COLEC12: variants seen among roughly 807,000 people sequenced by gnomAD.
The protein encoded by COLEC12 is collectin subfamily member 12.
COLEC12 carries 33 observed loss-of-function variants against 71.1 expected under a neutral mutation model. The ratio of observed to expected loss-of-function variants is 0.46; its 90% CI spans 0.35 to 0.62. COLEC12 has a LOEUF of 0.62. Among genes scored for constraint, COLEC12 ranks in the 20% least tolerant of loss-of-function variants. The pLI, the probability that COLEC12 is intolerant of heterozygous loss-of-function variation, is 0.00. For missense variants in COLEC12, 765 were observed against 916.1 expected (o/e 0.84, Z 2.13); for synonymous variants, 350 against 353.0 (o/e 0.99, Z 0.10).
intron 7 of COLEC12, among the ~76,000 whole-genome samples, chr18:332,087 T>C (rs1349324938): frequency 6.6e-6 from 1 of 152,220 alleles, no homozygotes; most frequent in Non-Finnish European, 1.5e-5. Flanking sequence ...ATTTCTCCCA[T>C]GTCCTAATCA....
At chr18:476,514 C>T (rs1182494544) in intron 2 of COLEC12, among the ~76,000 whole-genome samples, 2 of 152,134 alleles carry the variant, frequency 1.3e-5, no homozygotes, top group Admixed American at 6.5e-5. Flanking sequence ...ATTATCATAC[C>T]GGATCAGATT....
intron 3 of COLEC12, among the ~76,000 whole-genome samples, chr18:349,544 G>C (rs1914462018): frequency 6.6e-6 from 1 of 152,192 alleles, no homozygotes; most frequent in East Asian, 1.9e-4. Flanking sequence ...GCACTGCCTA[G>C]TGGAGCTGTG....
At chr18:322,013 C>T (rs749245230) in intron 8 of COLEC12, among the ~76,000 whole-genome samples, 4 of 152,322 alleles carry the variant, frequency 2.6e-5, no homozygotes, top group Middle Eastern at 3.4e-3. Flanking sequence ...CATCTCCCTG[C>T]GCGCTTGTGA....
intron 2 of COLEC12, among the ~76,000 whole-genome samples, chr18:473,838 TAACTTTTCCAAA>T (rs1193037637): frequency 6.6e-6 from 1 of 152,216 alleles, no homozygotes; most frequent in Non-Finnish European, 1.5e-5. Flanking sequence ...TTTTTTTCTT[TAACTTTTCCAAA>T]AATAAAAACA....
chr18:369,959 TG>T (rs1914964866), intron 2 of COLEC12, among the ~76,000 whole-genome samples: 1 of 152,092 alleles, frequency 6.6e-6, no homozygotes, highest in Non-Finnish European at 1.5e-5. Flanking sequence ...AACCCCGATC[TG>T]GAAGATATTC....
intron 2 of COLEC12, among the ~76,000 whole-genome samples, chr18:432,714 C>A (rs370895555): frequency 9.6e-6 from 1 of 104,702 alleles, no homozygotes; most frequent in South Asian, 4.4e-4. Flanking sequence ...GCGAGCCACA[C>A]CCATCCACAT....
chr18:393,378 CT>C (rs1915503426), intron 2 of COLEC12, among the ~76,000 whole-genome samples: 1 of 120,438 alleles, frequency 8.3e-6, no homozygotes, highest in African/African-American at 2.8e-5. Flanking sequence ...TCATATTTCC[CT>C]TTTTTCTTTG....
chr18:434,723 A>C (rs1212488268), intron 2 of COLEC12, among the ~76,000 whole-genome samples: 2 of 152,214 alleles, frequency 1.3e-5, no homozygotes, highest in Non-Finnish European at 2.9e-5. Context: ...TCTTCCCAAA[A>C]GCACATATTT....
chr18:374,064 C>G (rs1915060649), intron 2 of COLEC12, among the ~76,000 whole-genome samples: 1 of 152,110 alleles, frequency 6.6e-6, no homozygotes, highest in Non-Finnish European at 1.5e-5. Context: ...TGTCTGTAAA[C>G]CATTGCTAGA....
intron 2 of COLEC12, among the ~76,000 whole-genome samples, chr18:460,278 C>T (rs1190478089): frequency 6.6e-6 from 1 of 151,636 alleles, no homozygotes; most frequent in Non-Finnish European, 1.5e-5. Flanking sequence ...CAGAATTCTT[C>T]ATTTACTACA....
In COLEC12 at chr18:346,648, G is replaced by A. The variant is rs759749753; in HGVS notation, c.974C>T (p.Thr325Ile). Residue 325 changes from threonine to isoleucine, a missense_variant, in exon 5 of 10, where the codon ACA becomes ATA. Physicochemically the swap from Thr to Ile is moderately conservative, Grantham distance 89. Transcript: ENST00000400256. The surrounding 1 kb of genome is among the most constrained non-coding windows in gnomAD (Gnocchi z 4.0). Reference protein sequence around the residue: ...QDLHKDAENRTAIKFNQLEER... With the variant: ...QDLHKDAENRIAIKFNQLEER... ...CTCCAGTTGGTTGAACTTGATGGCT[G>A]TTCTATTCTCTGCATCTTTGTGTAA... 1 of 1,614,186 alleles carries A rather than the reference G, an allele frequency of 6.2e-7. No individual in the cohort carries two copies. Among genetic ancestry groups the A allele is most frequent in the South Asian group, 1.1e-5 (1 of 91,086 alleles).
intron 3 of COLEC12, among the ~76,000 whole-genome samples, chr18:355,059 C>T (rs139709916): frequency 6.6e-6 from 1 of 151,256 alleles, no homozygotes; most frequent in South Asian, 2.1e-4. Flanking sequence ...ATCCATCCAT[C>T]CATCCATCCA....
intron 5 of COLEC12, among the ~76,000 whole-genome samples, chr18:342,353 C>T (rs1257087662): frequency 6.6e-6 from 1 of 152,280 alleles, no homozygotes; most frequent in Non-Finnish European, 1.5e-5. Flanking sequence ...ACATCTATCT[C>T]TACACTATCA....
rs978598173 is a variant in COLEC12, at chr18:319,916, AT to A, written c.*128del. ...GGATGGTAAAAAACACTAGCTGTCAATTTTTTTTCAGTAATTGGTTTTCAGT... is the reference window on the plus strand; with the variant it reads ...GGATGGTAAAAAACACTAGCTGTCAATTTTTTTCAGTAATTGGTTTTCAGT... On this transcript the variant is annotated 3_prime_UTR_variant, in exon 10 of 10. Transcript: ENST00000400256. The A allele has an allele frequency of 1.6e-5, 11 of 695,626 alleles. No individual in the cohort carries two copies. Among genetic ancestry groups the A allele is most frequent in the Admixed American group, 6.0e-5 (2 of 33,432 alleles). 43.1% of individuals were successfully genotyped at this position (695,626 alleles called of 1,614,324 possible). A position where few individuals can be genotyped will look rare whatever the true frequency, so the allele number is the denominator to read the frequency against.
rs1030254194 is a variant in COLEC12 at position 497,928 on chromosome 18, T to A, written c.7+2580A>T. On this transcript the variant is annotated intron_variant, in intron 1 of 9. Coordinates refer to ENST00000400256, the MANE Select transcript of COLEC12 (RefSeq NM_130386.3). ...TTCCAAAGCCTCACATGCAACTGGT[T>A]GGCTCCACCTCTTCCTGGATACAGC... Among the ~76,000 whole-genome samples, 55 of 152,362 alleles carry A rather than the reference T, an allele frequency of 3.6e-4. No homozygotes were observed. In the East Asian group the frequency reaches 3.9e-3, roughly 11 times the overall value.
chr18:341,572 T>C (rs1914253838), intron 5 of COLEC12, among the ~76,000 whole-genome samples: 1 of 152,208 alleles, frequency 6.6e-6, no homozygotes, highest in African/African-American at 2.4e-5. Context: ...CCTGTGTGAT[T>C]TTATTCTTTG....
chr18:322,082 A>G (rs1913719556), intron 8 of COLEC12, among the ~76,000 whole-genome samples: 3 of 152,166 alleles, frequency 2.0e-5, no homozygotes, highest in Non-Finnish European at 4.4e-5. Flanking sequence ...GAGGGAGCGA[A>G]TCTTGCTTTG....
At chr18:424,004 T>G (rs1249110866) in intron 2 of COLEC12, 1 of 152,038 alleles carries the variant, frequency 6.6e-6, no homozygotes, top group Non-Finnish European at 1.5e-5. Context: ...AAAAGGGAGG[T>G]GCTACAGATG....
chr18:431,285 G>A (rs1418542394), intron 2 of COLEC12, among the ~76,000 whole-genome samples: 1 of 152,044 alleles, frequency 6.6e-6, no homozygotes, highest in Non-Finnish European at 1.5e-5. Context: ...TTACAAGTGT[G>A]AGCTGCCACG....
Sources: gnomAD v4.1 joint callset for allele counts (sites outside exome capture counted in the v4.1 genomes callset) on GRCh38, gnomAD v4.1.1 for gene constraint, Gnocchi (gnomAD v3.1) non-coding constraint, MANE v1.5 for transcripts, NCBI Gene and HGNC (gene_info 2026-07-23, HGNC 2026-07-21) for gene names.